Variants in DOCK6 observed in about 807,000 individuals in gnomAD.
The protein encoded by DOCK6 is dedicator of cytokinesis 6.
Under a neutral mutation model 230.3 loss-of-function variants are expected in DOCK6, and 167 were observed. The observed-to-expected ratio is 0.73, with a 90% CI of 0.64 to 0.82. The LOEUF (loss-of-function observed/expected upper bound fraction) is 0.82, where lower values mean the gene tolerates loss of function less well. DOCK6 is among the 40% of genes least tolerant of loss of function. The pLI is 0.00. For missense variants in DOCK6, 2,598 were observed against 2,825.8 expected, an observed-to-expected ratio of 0.92 and a Z score of 1.83; for synonymous variants, 1,148 against 1,185.0, an observed-to-expected ratio of 0.97 and a Z score of 0.64.
chr19:11,236,837 C>A lies in DOCK6; in HGVS notation c.2116G>T (p.Val706Leu). Residue 706 changes from valine to leucine, a missense_variant, in exon 19 of 48, where the codon GTG becomes TTG. Transcript: ENST00000294618. The surrounding 1 kb of genome is among the most constrained non-coding windows in gnomAD (Gnocchi z 5.2). Reference sequence around the variant, plus strand: ...ACGGCTGTGAGCTCCACACTGAACACGCCCTTGTGACCGTCCACCCAGCGC... The same window carrying A: ...ACGGCTGTGAGCTCCACACTGAACAAGCCCTTGTGACCGTCCACCCAGCGC... ...GMRWVDGHKG[V>L]FSVELTAVSS... 1 of 1,555,802 alleles carries A rather than the reference C, an allele frequency of 6.4e-7. No homozygotes were observed. Among genetic ancestry groups the A allele is most frequent in the Non-Finnish European group, 8.7e-7 (1 of 1,149,880 alleles).
chr19:11,224,125 TATTAA>T, intron 24 of DOCK6, among the ~76,000 whole-genome samples: 1 of 151,926 alleles, frequency 6.6e-6, no homozygotes, highest in Middle Eastern at 3.2e-3. Flanking sequence ...TCAAAGACAA[TATTAA>T]ATTGGTGCAA....
chr19:11,243,611 C>T lies in DOCK6; in HGVS notation c.1204G>A (p.Ala402Thr). ...MPFAWTAVHL[A>T]NIVSSAGQLD... ...TGCCCAGCGCTGCTCACGATGTTGG[C>T]CAAGTGCACGGCCGTCCAGGCGAAG... Residue 402 changes from alanine (A) to threonine (T), a missense_variant, in exon 11 of 48, where the codon GCC (alanine) becomes ACC (threonine). Transcript: ENST00000294618. The surrounding 1 kb of genome is among the most constrained non-coding windows in gnomAD (Gnocchi z 6.3). 2.5e-6 allele frequency: 4 copies of T among 1,611,278 alleles called. No individual in the cohort carries two copies. The highest frequency in any genetic ancestry group is 2.2e-5 in the South Asian group (2 of 90,798).
At chr19:11,259,065 C>A (rs1242032956) in intron 1 of DOCK6, among the ~76,000 whole-genome samples, 1 of 151,110 alleles carries the variant, frequency 6.6e-6, no homozygotes, top group Non-Finnish European at 1.5e-5. Flanking sequence ...CTTTTTCTTT[C>A]TTTTGAGACA....
Position 11,222,388 on chromosome 19 carries a change from G to A in DOCK6, c.3241-140C>T, listed in dbSNP as rs2079594749. The A allele has an allele frequency of 3.3e-6, 4 of 1,221,480 alleles. No homozygotes were observed. The highest frequency in any genetic ancestry group is 4.5e-6 in the Non-Finnish European group (4 of 886,508). 75.7% of individuals were successfully genotyped at this position (1,221,480 alleles called of 1,614,324 possible). On this transcript the variant is annotated intron_variant, in intron 26 of 47. Coordinates refer to ENST00000294618, the MANE Select transcript of DOCK6 (RefSeq NM_020812.4). The surrounding 1 kb of genome is among the most constrained non-coding windows in gnomAD (Gnocchi z 4.0). ...AAGACTGATGTTAAGTCATCTGGAG[G>A]TGACAGTGGGCATGGGTTTCAAGGC...
At chr19:11,228,825 G>A in intron 23 of DOCK6, 115 bp downstream of exon 23, 1 of 965,884 alleles carries the variant, frequency 1.0e-6, no homozygotes, top group South Asian at 1.5e-5. Context: ...GCCTCCCAAA[G>A]TGTTGGGATT....
In DOCK6 at chr19:11,222,870, T is replaced by C. The variant is rs989957896; in HGVS notation, c.3105A>G (p.Ala1035=). 3 of 1,607,068 alleles carry C rather than the reference T, an allele frequency of 1.9e-6. No homozygotes were observed. The highest frequency in any genetic ancestry group is 1.7e-6 in the Non-Finnish European group (2 of 1,177,038). ...ATTCCATGCGCAGGGTCAGCAGGGC[T>C]GCTGGATTAGGGGACGACTGGAGCC... ...ATRLQSSPNP[A]ALLTLRMEFT... Residue 1035 remains alanine (A), a synonymous_variant, in exon 26 of 48, where the codon GCA becomes GCG. Transcript: ENST00000294618. The surrounding 1 kb of genome is among the most constrained non-coding windows in gnomAD (Gnocchi z 4.0).
At position 11,243,402 on chromosome 19, in the gene DOCK6, C is replaced by T. The variant is rs1028400257; in HGVS notation, c.1259-17G>A. The T allele has an allele frequency of 1.3e-6, 2 of 1,598,782 alleles. No homozygotes were observed. Among genetic ancestry groups the T allele is most frequent in the African/African-American group, 2.7e-5 (2 of 74,630 alleles). The stretch of plus-strand genomic sequence containing the variant: ...GCCGGCGCTCTAGGGGAGGGAATGA[C>T]AATGACAAAAGGGGGACCAAGATGA... On this transcript the variant is annotated splice_polypyrimidine_tract_variant and intron_variant, in intron 11 of 47. Coordinates refer to ENST00000294618, the MANE Select transcript of DOCK6 (RefSeq NM_020812.4). This position sits in a 1 kb window ranked among gnomAD's most constrained non-coding sequence, Gnocchi z 6.3.
intron 1 of DOCK6, among the ~76,000 whole-genome samples, chr19:11,260,893 AAAG>A (rs1315839597): frequency 6.7e-6 from 1 of 149,418 alleles, no homozygotes; most frequent in East Asian, 1.9e-4. Context: ...AAAAAAAAAA[AAAG>A]AAAGAAAGAA....
Position 11,217,075 on chromosome 19 carries a change from G to C in DOCK6, c.3733C>G (p.Leu1245Val). 6.2e-7 allele frequency: 1 copy of C among 1,612,922 alleles called. No homozygotes were observed. The highest frequency in any genetic ancestry group is 8.5e-7 in the Non-Finnish European group (1 of 1,179,632). ...PPTASRAGCA[L>V]SAESSRTLLA... ...AAGGTCCGGCTTGACTCAGCAGAGA[G>C]GGCACAGCCTGCGCGAGAAGCCTGG... The change falls in exon 30 of 48, where the codon CTC becomes GTC. Residue 1245 changes from leucine (L) to valine (V), a missense_variant. Leu to Val is a conservative substitution (Grantham distance 32, BLOSUM62 1). Coordinates refer to ENST00000294618, the MANE Select transcript of DOCK6 (RefSeq NM_020812.4).
chr19:11,256,749 C>T (rs2080203468), intron 1 of DOCK6, among the ~76,000 whole-genome samples: 1 of 152,174 alleles, frequency 6.6e-6, no homozygotes, highest in African/African-American at 2.4e-5. Flanking sequence ...ATGATCTCAG[C>T]TCACTGCAAC....
In DOCK6 at chr19:11,202,658, C is replaced by G; in HGVS notation, c.5287G>C (p.Asp1763His). Reference sequence around the variant, plus strand: ...TACACAAACTCCTGCTCATCCAGGTCACCGAAGTGGGCGCCGTAGAAGCCC... The same window carrying G: ...TACACAAACTCCTGCTCATCCAGGTGACCGAAGTGGGCGCCGTAGAAGCCC... Reference protein sequence around the residue: ...RVGFYGAHFGDLDEQEFVYKE... With the variant: ...RVGFYGAHFGHLDEQEFVYKE... Residue 1763 changes from aspartate (D) to histidine (H), a missense_variant, in exon 42 of 48, where the codon GAC becomes CAC. Asp to His is a moderately conservative substitution (Grantham distance 81). Transcript: ENST00000294618. This position sits in a 1 kb window ranked among gnomAD's most constrained non-coding sequence, Gnocchi z 5.3. The G allele has an allele frequency of 6.2e-7, 1 of 1,614,020 alleles. No homozygotes were observed. The highest frequency in any genetic ancestry group is 8.5e-7 in the Non-Finnish European group (1 of 1,179,908).
chr19:11,238,483 A>G (rs907096954), intron 14 of DOCK6, 179 bp from the exon 15 acceptor site: 6 of 607,054 alleles, frequency 9.9e-6, no homozygotes, highest in South Asian at 5.8e-5. Context: ...GAGATAGGAC[A>G]GAGGGCAGAG....
At position 11,227,486 on chromosome 19, in the gene DOCK6, G is replaced by T; in HGVS notation, c.2815-9C>A. Reference sequence around the variant, plus strand: ...AGCGCCATACTCTTCACCTGGGGGTGGGGTGAGAGGGCTGTGGGTGGGATT... The same window carrying T: ...AGCGCCATACTCTTCACCTGGGGGTTGGGTGAGAGGGCTGTGGGTGGGATT... On this transcript the variant is annotated splice_polypyrimidine_tract_variant and intron_variant, in intron 23 of 47. Transcript: ENST00000294618. 6.4e-7 allele frequency: 1 copy of T among 1,561,024 alleles called. No individual in the cohort carries two copies.
chr19:11,203,401 A>G (rs1325824510), intron 41 of DOCK6: 1 of 151,296 alleles, frequency 6.6e-6, no homozygotes, highest in African/African-American at 2.5e-5. Flanking sequence ...GGTCCTGGTT[A>G]ACACTGCCCC....
chr19:11,251,698 C>T lies in DOCK6; in HGVS notation c.507+421G>A, dbSNP rs138200068. ...TTGCACCACTGTACTTCAGCCTGGG[C>T]GACAGAGTGAGATTCCATCTCAAAA... On this transcript the variant is annotated intron_variant, in intron 5 of 47. Transcript: ENST00000294618. 6.8e-3 allele frequency: 1,033 copies of T among 152,794 alleles called. 11 individuals carry two copies. Among genetic ancestry groups the T allele is most frequent in the African/African-American group, 0.024 (992 of 41,278 alleles). The allele number at this position is 152,794 out of a possible 1,614,324, so 9.5% of individuals were successfully genotyped here.
chr19:11,199,454 C>T lies in DOCK6; in HGVS notation c.*43G>A. Reference sequence around the variant, plus strand: ...CCCTCGCAGCACAGACAGCTGAGGCCCGGGTGCTGGTTCCTCTAGGTACAG... The same window carrying T: ...CCCTCGCAGCACAGACAGCTGAGGCTCGGGTGCTGGTTCCTCTAGGTACAG... On this transcript the variant is annotated 3_prime_UTR_variant, in exon 48 of 48. Coordinates refer to ENST00000294618, the MANE Select transcript of DOCK6 (RefSeq NM_020812.4). 1 of 1,558,240 alleles carries T rather than the reference C, an allele frequency of 6.4e-7. No individual in the cohort carries two copies. The highest frequency in any genetic ancestry group is 8.7e-7 in the Non-Finnish European group (1 of 1,150,464).
intron 9 of DOCK6, 146 bp from the exon 10 acceptor site, chr19:11,244,028 C>A: frequency 1.1e-6 from 1 of 870,194 alleles, no homozygotes; most frequent in Non-Finnish European, 1.8e-6. Flanking sequence ...CCATGGCTCC[C>A]GCTGTCCTTG....
In DOCK6 at chr19:11,250,962, GC is replaced by G. The variant is rs761856660; in HGVS notation, c.631del (p.Ala211ProfsTer90). ...SLLPSLLERA[A>X]PEDVDRRNET... Reference sequence around the variant, plus strand: ...ATTGCGCCGGTCCACATCTTCTGGGGCCGCCCGCTCTAGCAGAGAGGGCAGC... The same window carrying G: ...ATTGCGCCGGTCCACATCTTCTGGGGCGCCCGCTCTAGCAGAGAGGGCAGC... On this transcript the variant is annotated frameshift_variant, in exon 6 of 48. Transcript: ENST00000294618. LOFTEE classifies it high-confidence loss of function. The G allele has an allele frequency of 3.5e-5, 57 of 1,613,652 alleles. No individual in the cohort carries two copies. The highest frequency in any genetic ancestry group is 4.6e-5 in the Non-Finnish European group (54 of 1,179,842).
intron 1 of DOCK6, among the ~76,000 whole-genome samples, chr19:11,257,482 T>TAAAA (rs35933920): frequency 1.9e-4 from 15 of 78,586 alleles, no homozygotes; most frequent in Non-Finnish European, 2.5e-4. Context: ...CACTGTCTCT[T>TAAAA]AAAAAAAAAA....
Sources: allele counts gnomAD v4.1 joint callset (sites outside exome capture counted in the v4.1 genomes callset), GRCh38; gene constraint gnomAD v4.1.1; non-coding constraint Gnocchi (gnomAD v3.1); transcripts MANE v1.5; gene names NCBI Gene and HGNC (gene_info 2026-07-23, HGNC 2026-07-21).